Variants in PRMT8 observed in about 807,000 individuals in gnomAD.
PRMT8 encodes the protein protein arginine N-methyltransferase 8.
A neutral mutation model predicts 47.1 loss-of-function variants in PRMT8; 7 were observed. The observed-to-expected ratio is 0.15, with a 90% CI of 0.08 to 0.28. The LOEUF (loss-of-function observed/expected upper bound fraction) is 0.28, where lower values mean the gene tolerates loss of function less well. Ranked by LOEUF, PRMT8 falls within the 10% of genes least tolerant of loss-of-function variation. PRMT8 has a pLI of 1.00. For synonymous variants in PRMT8, 188 were observed against 186.5 expected (o/e 1.01, Z -0.07); for missense variants, 237 against 505.4 (o/e 0.47, Z 5.09).
chr12:3,432,300 C>T (rs191745787), intron 1 of PRMT8, among the ~76,000 whole-genome samples: 55 of 152,326 alleles, frequency 3.6e-4, no homozygotes, highest in Admixed American at 1.6e-3. Flanking sequence ...TCACCTTGCA[C>T]TTCAGCCTGT....
chr12:3,424,705 C>A (rs1864583052), intron 1 of PRMT8, among the ~76,000 whole-genome samples: 1 of 152,100 alleles, frequency 6.6e-6, no homozygotes, highest in African/African-American at 2.4e-5. Context: ...GGCTACATAC[C>A]TTGTATAGCA....
At chr12:3,455,686 CG>C (rs1185505407) in intron 1 of PRMT8, among the ~76,000 whole-genome samples, 2 of 152,104 alleles carry the variant, frequency 1.3e-5, no homozygotes, top group Non-Finnish European at 2.9e-5. Flanking sequence ...GGAGGGTCAG[CG>C]GGGGGTGGGG....
At chr12:3,451,772 A>T (rs1487596651) in intron 1 of PRMT8, among the ~76,000 whole-genome samples, 2 of 151,912 alleles carry the variant, frequency 1.3e-5, no homozygotes, top group East Asian at 3.9e-4. Context: ...CTTAAAGGAA[A>T]CCTCTGGAAC....
At chr12:3,545,043 A>C (rs1482839801) in intron 2 of PRMT8, among the ~76,000 whole-genome samples, 7 of 152,176 alleles carry the variant, frequency 4.6e-5, no homozygotes, top group African/African-American at 1.7e-4. Flanking sequence ...ATTTCCTTGC[A>C]TGGATGAAGG....
At chr12:3,496,214 A>ATATATATATATTTATTTTTTTTTTTTT in intron 1 of PRMT8, among the ~76,000 whole-genome samples, 1 of 27,756 alleles carries the variant, frequency 3.6e-5, no homozygotes, top group African/African-American at 8.8e-5. Flanking sequence ...ATATATATAT[A>ATATATATATATTTATTTTTTTTTTTTT]TTTTTTTTTT....
At chr12:3,464,082 C>T (rs921387050) in intron 1 of PRMT8, among the ~76,000 whole-genome samples, 16 of 152,026 alleles carry the variant, frequency 1.1e-4, no homozygotes, top group Non-Finnish European at 2.1e-4. Flanking sequence ...AATGACTAAG[C>T]GGGGAGGGGA....
chr12:3,528,121 C>G (rs1865973963), intron 1 of PRMT8, among the ~76,000 whole-genome samples: 2 of 151,684 alleles, frequency 1.3e-5, no homozygotes, highest in Admixed American at 1.3e-4. Context: ...GATTATGTAC[C>G]TTGGTATAGT....
chr12:3,398,481 C>T (rs570110240), intron 1 of PRMT8, among the ~76,000 whole-genome samples: 2 of 152,324 alleles, frequency 1.3e-5, no homozygotes, highest in South Asian at 2.1e-4. Flanking sequence ...GAGTTGATCT[C>T]ATACTTCACA....
intron 1 of PRMT8, among the ~76,000 whole-genome samples, chr12:3,507,588 G>A (rs1278263752): frequency 1.3e-5 from 2 of 152,114 alleles, no homozygotes; most frequent in African/African-American, 4.8e-5. Context: ...CATCAGAAGT[G>A]TAGATAGGGC....
intron 4 of PRMT8, among the ~76,000 whole-genome samples, chr12:3,558,372 C>T (rs1009426547): frequency 1.9e-4 from 29 of 152,128 alleles, no homozygotes; most frequent in African/African-American, 6.3e-4. Context: ...TGCAATGCTC[C>T]GTCATCCCTG....
chr12:3,583,332 T>A lies in PRMT8; in HGVS notation c.979+124T>A. The A allele has an allele frequency of 9.4e-7, 1 of 1,058,768 alleles. No individual in the cohort carries two copies. Among genetic ancestry groups the A allele is most frequent in the Non-Finnish European group, 1.3e-6 (1 of 744,810 alleles). 65.6% of individuals were successfully genotyped at this position (1,058,768 alleles called of 1,614,324 possible). ...CTGGGTGTTAGCTGGGTGACACCTATCAACCCTCTCCAGCCATGGAGGAAC... is the reference window on the plus strand; with the variant it reads ...CTGGGTGTTAGCTGGGTGACACCTAACAACCCTCTCCAGCCATGGAGGAAC... On this transcript the variant is annotated intron_variant, in intron 8 of 9. Transcript: ENST00000382622. The surrounding 1 kb of genome is among the most constrained non-coding windows in gnomAD (Gnocchi z 4.7).
At position 3,424,140 on chromosome 12, in the gene PRMT8, T is replaced by C. The variant is rs1175928861; in HGVS notation, c.48+42698T>C. 4.6e-5 allele frequency among the ~76,000 whole-genome samples: 7 copies of C among 152,352 alleles called. No individual in the cohort carries two copies. In the East Asian group the frequency reaches 1.3e-3, roughly 29 times the overall value. ...CACATTTAGTTCATCATAGAAAGTT[T>C]GAAACACTGGCTCAGGAGAGTGTTT... On this transcript the variant is annotated intron_variant, in intron 1 of 9. Coordinates refer to the PRMT8 transcript ENST00000452611.
intron 1 of PRMT8, among the ~76,000 whole-genome samples, chr12:3,510,080 G>A (rs765137356): frequency 9.8e-5 from 15 of 152,288 alleles, no homozygotes; most frequent in Non-Finnish European, 2.2e-4. Context: ...TTTCTCCCTT[G>A]ACCTTATCCA....
intron 1 of PRMT8, among the ~76,000 whole-genome samples, chr12:3,472,529 A>G (rs1469244835): frequency 6.6e-6 from 1 of 152,188 alleles, no homozygotes; most frequent in Non-Finnish European, 1.5e-5. Flanking sequence ...CAAGTTACTT[A>G]ACTTCTCTGA....
At chr12:3,567,871 T>G (rs192599378) in intron 4 of PRMT8, among the ~76,000 whole-genome samples, 2,232 of 152,148 alleles carry the variant, frequency 0.015, 25 homozygotes, top group Middle Eastern at 0.034. Context: ...GTCAGGAGTT[T>G]GAGACCACTC....
At chr12:3,470,977 C>A (rs1865155651) in intron 1 of PRMT8, among the ~76,000 whole-genome samples, 1 of 152,184 alleles carries the variant, frequency 6.6e-6, no homozygotes, top group Non-Finnish European at 1.5e-5. Context: ...TTCCTTCAGG[C>A]CATCCTGGGC....
intron 4 of PRMT8, among the ~76,000 whole-genome samples, chr12:3,567,003 T>C (rs1353937778): frequency 2.0e-5 from 3 of 152,216 alleles, no homozygotes; most frequent in Non-Finnish European, 4.4e-5. Flanking sequence ...TGTCAGTTTA[T>C]CAAAAACTCA....
chr12:3,504,449 G>GGT (rs1865579763), intron 1 of PRMT8, among the ~76,000 whole-genome samples: 1 of 116,044 alleles, frequency 8.6e-6, no homozygotes, highest in African/African-American at 2.6e-5. Flanking sequence ...AGGTCTGCTG[G>GGT]AATACCCTGC....
At chr12:3,567,292 G>T (rs1279704842) in intron 4 of PRMT8, among the ~76,000 whole-genome samples, 1 of 152,198 alleles carries the variant, frequency 6.6e-6, no homozygotes, top group Non-Finnish European at 1.5e-5. Context: ...AGTTTAGTTA[G>T]GTCAAGTAAC....
Sources: allele counts gnomAD v4.1 joint callset (sites outside exome capture counted in the v4.1 genomes callset), GRCh38; gene constraint gnomAD v4.1.1; non-coding constraint Gnocchi (gnomAD v3.1); transcripts MANE v1.5; gene names NCBI Gene and HGNC (gene_info 2026-07-23, HGNC 2026-07-21).